Variants in ATP2B3 observed in about 807,000 individuals in gnomAD.
ATP2B3 encodes ATPase plasma membrane Ca2+ transporting 3.
In ATP2B3, 12 loss-of-function variants were observed where a neutral mutation model predicts 70.8. The observed-to-expected ratio is 0.17, with a 90% CI of 0.11 to 0.27. ATP2B3 has a LOEUF of 0.27. Ranked by LOEUF, ATP2B3 falls within the 10% of genes least tolerant of loss-of-function variation. ATP2B3 has a pLI of 1.00. For synonymous variants in ATP2B3, 460 were observed against 497.8 expected (o/e 0.92, Z 1.01); for missense variants, 858 against 1,118.5 (o/e 0.77, Z 3.32).
rs782293771 is a variant in ATP2B3, at chrX:153,560,840, A to C, written c.3004A>C (p.Ser1002Arg). 1.4e-5 allele frequency: 17 copies of C among 1,211,989 alleles called. No homozygotes were observed. The South Asian group carries it at 2.1e-4, about 15-fold the overall frequency. The change falls in exon 19 of 22, where the codon AGC becomes CGC. Residue 1002 changes from serine (S) to arginine (R), a missense_variant. By Grantham distance (110) the Ser-to-Arg change is moderately radical. Coordinates refer to ENST00000263519, the MANE Select transcript of ATP2B3 (RefSeq NM_001001344.3). ...GERNVFDGIF[S>R]NPIFCTIVLG... ...GAGGAACGTGTTCGACGGCATCTTC[A>C]GCAACCCCATCTTCTGCACCATCGT...
rs975476867 is a variant in ATP2B3, at chrX:153,541,414, C to T, written c.264C>T (p.Asn88=). The stretch of plus-strand genomic sequence containing the variant: ...AGCGCAGGCAGATCTACGGGCAGAA[C>T]TTCATCCCCCCAAAGCAACCCAAGA... ...LEKRRQIYGQ[N]FIPPKQPKTF... The change falls in exon 4 of 22, where the codon AAC becomes AAT. Residue 88 remains asparagine, a synonymous_variant. Transcript: ENST00000263519. 2 of 1,212,084 alleles carry T rather than the reference C, an allele frequency of 1.7e-6. No homozygotes were observed. The highest frequency in any genetic ancestry group is 1.8e-5 in the South Asian group (1 of 57,015).
intron 6 of ATP2B3, 129 bp downstream of exon 6, chrX:153,542,577 G>T: frequency 2.1e-6 from 2 of 950,603 alleles, no homozygotes; most frequent in Non-Finnish European, 2.8e-6. Flanking sequence ...TAACCTTCAG[G>T]TTGGGAATCT....
chrX:153,553,098 C>T lies in ATP2B3; in HGVS notation c.1887C>T (p.Asp629=). ...GCTTTCGGCCTCGGGACCGGGACGA[C>T]ATGGTGAGGAAGATCATCGAGCCGA... ...LRGFRPRDRD[D]MVRKIIEPMA... Residue 629 remains aspartate, a synonymous_variant, in exon 13 of 22, where the codon GAC becomes GAT. Coordinates refer to ENST00000263519, the MANE Select transcript of ATP2B3 (RefSeq NM_001001344.3). 1 of 1,209,759 alleles carries T rather than the reference C, an allele frequency of 8.3e-7. No homozygotes were observed. The highest frequency in any genetic ancestry group is 1.1e-6 in the Non-Finnish European group (1 of 893,675).
Position 153,541,726 on chromosome X carries a change from T to A in ATP2B3, c.464T>A (p.Ile155Asn). The change falls in exon 5 of 22, where the codon ATC (isoleucine) becomes AAC (asparagine). Residue 155 changes from isoleucine to asparagine, a missense_variant. Ile to Asn is a moderately radical substitution (Grantham distance 149). This residue lies in a region of ATP2B3 where 278 missense variants were observed against 366.2 expected (regional missense o/e 0.76). Coordinates refer to ENST00000263519, the MANE Select transcript of ATP2B3 (RefSeq NM_001001344.3). Reference sequence around the variant, plus strand: ...GAGGGCGAGGCCGAAGCTGGCTGGATCGAGGGGGCTGCCATCCTGCTGTCC... The same window carrying A: ...GAGGGCGAGGCCGAAGCTGGCTGGAACGAGGGGGCTGCCATCCTGCTGTCC... ...EDEGEAEAGW[I>N]EGAAILLSVI... The A allele has an allele frequency of 8.3e-7, 1 of 1,211,152 alleles. No homozygotes were observed. Among genetic ancestry groups the A allele is most frequent in the Non-Finnish European group, 1.1e-6 (1 of 895,412 alleles).
chrX:153,547,356 G>C (rs1399942622), intron 8 of ATP2B3, among the ~76,000 whole-genome samples: 2 of 111,213 alleles, frequency 1.8e-5, no homozygotes, highest in Non-Finnish European at 3.8e-5. Flanking sequence ...GGTGCTGGAG[G>C]GACAGATGGA....
rs2090921093 is a variant in ATP2B3 at position 153,581,402 on chromosome X, T to G, written c.*1104T>G. The G allele has an allele frequency of 8.9e-6, 1 of 112,598 alleles. No individual in the cohort carries two copies. The highest frequency in any genetic ancestry group is 3.6e-4 in the South Asian group (1 of 2,763). 9.3% of individuals were successfully genotyped at this position (112,598 alleles called of 1,213,427 possible). On this transcript the variant is annotated 3_prime_UTR_variant, in exon 22 of 22. Coordinates refer to ENST00000263519, the MANE Select transcript of ATP2B3 (RefSeq NM_001001344.3). ...TTCGTTTTCAGCTTTCTTTGGTTCCTACTCCAATTCCACATCCTTCATCCT... is the reference window on the plus strand; with the variant it reads ...TTCGTTTTCAGCTTTCTTTGGTTCCGACTCCAATTCCACATCCTTCATCCT...
At chrX:153,518,975 G>A (rs1388489284) in intron 2 of ATP2B3, among the ~76,000 whole-genome samples, 1 of 111,286 alleles carries the variant, frequency 9.0e-6, no homozygotes, top group Non-Finnish European at 1.9e-5. Flanking sequence ...AACGTCAGCC[G>A]ACTTCCCCTG....
intron 2 of ATP2B3, among the ~76,000 whole-genome samples, chrX:153,526,185 G>A (rs2090030466): frequency 8.9e-6 from 1 of 112,736 alleles, no homozygotes; most frequent in Admixed American, 9.3e-5. Flanking sequence ...CCCCAGCCCA[G>A]CTGTGCTCTC....
intron 2 of ATP2B3, among the ~76,000 whole-genome samples, chrX:153,523,353 G>A (rs2089984985): frequency 1.8e-5 from 2 of 111,999 alleles, no homozygotes; most frequent in South Asian, 3.7e-4. Context: ...ATTGTAATTC[G>A]CTTAATTATT....
At chrX:153,574,961 C>T (rs1330849502) in intron 21 of ATP2B3, 1 of 295,357 alleles carries the variant, frequency 3.4e-6, no homozygotes, top group Non-Finnish European at 6.7e-6. Flanking sequence ...GTCGGGAGCC[C>T]GGGCCAAGCC....
chrX:153,577,983 C>T lies in ATP2B3; in HGVS notation c.3343-1995C>T, dbSNP rs187109795. Among the ~76,000 whole-genome samples, 5 of 111,477 alleles carry T rather than the reference C, an allele frequency of 4.5e-5. No individual in the cohort carries two copies. In the East Asian group the frequency reaches 1.4e-3, roughly 31 times the overall value. On this transcript the variant is annotated intron_variant, in intron 21 of 21. Transcript: ENST00000263519. ...CATCATTTCAGCTGATTCCGAAGCA[C>T]TGTGCTTTGCCTAGCTGAGCCCCTG...
intron 14 of ATP2B3, 49 bp downstream of exon 14, chrX:153,556,277 G>A: frequency 8.3e-7 from 1 of 1,198,677 alleles, no homozygotes; most frequent in Non-Finnish European, 1.1e-6. Context: ...CCTCACCCCA[G>A]CCCCCTGCGT....
chrX:153,522,425 G>A (rs1556998132), intron 2 of ATP2B3, among the ~76,000 whole-genome samples: 2 of 112,303 alleles, frequency 1.8e-5, no homozygotes, highest in African/African-American at 6.5e-5. Flanking sequence ...ATCTCCCAGG[G>A]CTCGGGTCCA....
intron 18 of ATP2B3, 108 bp downstream of exon 18, chrX:153,560,050 G>C: frequency 1.2e-6 from 1 of 828,011 alleles, no homozygotes; most frequent in South Asian, 2.5e-5. Context: ...CCCAGTACGG[G>C]GTGGGACGCT....
intron 20 of ATP2B3, among the ~76,000 whole-genome samples, chrX:153,564,424 G>A (rs781943081): frequency 1.8e-5 from 2 of 112,709 alleles, no homozygotes; most frequent in South Asian, 3.7e-4. Context: ...AGCCTACGGG[G>A]CACGGTCCCC....
chrX:153,572,172 C>T (rs1184851411), intron 21 of ATP2B3, among the ~76,000 whole-genome samples: 1 of 112,890 alleles, frequency 8.9e-6, no homozygotes, highest in South Asian at 3.6e-4. Flanking sequence ...CCACCCTCTA[C>T]TTGGAACTTT....
chrX:153,535,536 C>T (rs1428317906), intron 2 of ATP2B3, among the ~76,000 whole-genome samples: 13 of 110,059 alleles, frequency 1.2e-4, no homozygotes, highest in African/African-American at 4.3e-4. Flanking sequence ...TGTTTCCCAC[C>T]CTTCCTCCGG....
chrX:153,567,607 C>T (rs957305473), intron 21 of ATP2B3, among the ~76,000 whole-genome samples: 1 of 112,920 alleles, frequency 8.9e-6, no homozygotes, highest in East Asian at 2.8e-4. Context: ...CTGTGTGTCT[C>T]GTGTCCTCTG....
At chrX:153,561,764 T>C (rs782810370) in intron 19 of ATP2B3, among the ~76,000 whole-genome samples, 1 of 112,483 alleles carries the variant, frequency 8.9e-6, no homozygotes, top group Non-Finnish European at 1.9e-5. Context: ...CCCTGCAAAT[T>C]GGATGCCTCC....
Sources: gnomAD v4.1 joint callset for allele counts (sites outside exome capture counted in the v4.1 genomes callset) on GRCh38, gnomAD v4.1.1 for gene constraint, gnomAD v4.1.1 regional missense constraint, MANE v1.5 for transcripts, NCBI Gene and HGNC (gene_info 2026-07-23, HGNC 2026-07-21) for gene names.